The following CORO2B variants were observed in gnomAD, a reference collection of about 807,000 sequenced individuals.
The protein encoded by CORO2B is coronin 2B.
A neutral mutation model predicts 58.8 loss-of-function variants in CORO2B; 26 were observed. The ratio of observed to expected loss-of-function variants is 0.44; its 90% confidence interval spans 0.32 to 0.61. The LOEUF is 0.61. Ranked by LOEUF, CORO2B falls within the 20% of genes least tolerant of loss-of-function variation. The probability of loss-of-function intolerance (pLI) is 0.04; values close to 1 mark genes in which losing one functional copy is unlikely to be tolerated. For missense variants in CORO2B, 460 were observed against 645.1 expected (o/e 0.71, Z 3.11); for synonymous variants, 242 against 253.8 (o/e 0.95, Z 0.44).
the CORO2B span, among the ~76,000 whole-genome samples, chr15:68,532,494 A>G: frequency 6.6e-6 from 1 of 151,924 alleles, no homozygotes; most frequent in African/African-American, 2.4e-5. Flanking sequence ...GTTCTTTTTT[A>G]TATCTTCTAT....
chr15:68,577,806 A>G (rs1424825697), upstream of CORO2B, among the ~76,000 whole-genome samples: 2 of 151,742 alleles, frequency 1.3e-5, no homozygotes, highest in Non-Finnish European at 2.9e-5. Context: ...TATTGCTCCA[A>G]TCTAGACACT....
the CORO2B span, among the ~76,000 whole-genome samples, chr15:68,550,264 C>CG: frequency 6.6e-6 from 1 of 152,102 alleles, no homozygotes; most frequent in Non-Finnish European, 1.5e-5. Flanking sequence ...AAAGAACCCC[C>CG]GGGATGTAAT....
chr15:68,720,554 T>C (rs1297473573), intron 11 of CORO2B, among the ~76,000 whole-genome samples: 2 of 152,308 alleles, frequency 1.3e-5, no homozygotes, highest in Admixed American at 6.5e-5. Context: ...AGTTCACTCA[T>C]GTGGTTGCTG....
chr15:68,649,165 C>T (rs1376038213), intron 2 of CORO2B, among the ~76,000 whole-genome samples: 2 of 151,672 alleles, frequency 1.3e-5, no homozygotes, highest in Non-Finnish European at 1.5e-5. Context: ...CAGAAAAGAA[C>T]GTGTTCTTTA....
chr15:68,718,646 A>G, intron 8 of CORO2B, 52 bp from the exon 9 acceptor site: 1 of 1,461,840 alleles, frequency 6.8e-7, no homozygotes, highest in Non-Finnish European at 9.6e-7. Context: ...GGGTGATGTC[A>G]CTGAGACGCA....
the CORO2B span, among the ~76,000 whole-genome samples, chr15:68,558,894 T>TGA: frequency 1.2e-4 from 18 of 152,198 alleles, no homozygotes; most frequent in African/African-American, 3.9e-4. Context: ...CTCCAGGTCT[T>TGA]AGTACACACC....
chr15:68,573,132 G>C, the CORO2B span, among the ~76,000 whole-genome samples: 1 of 152,106 alleles, frequency 6.6e-6, no homozygotes, highest in Non-Finnish European at 1.5e-5. Flanking sequence ...CCTGTGTTCA[G>C]GTGGCTCCCT....
intron 11 of CORO2B, 130 bp from the exon 12 acceptor site, chr15:68,725,711 GTA>G: frequency 9.0e-7 from 1 of 1,113,828 alleles, no homozygotes; most frequent in Non-Finnish European, 1.3e-6. Context: ...GAGAATAAAT[GTA>G]TCAAGCAGTG....
chr15:68,570,531 G>T, the CORO2B span, among the ~76,000 whole-genome samples: 5 of 152,188 alleles, frequency 3.3e-5, no homozygotes, highest in Non-Finnish European at 7.3e-5. Flanking sequence ...CAATATCAGA[G>T]GCTAAGATTT....
At chr15:68,601,753 C>CT (rs1031643460) in intron 1 of CORO2B, among the ~76,000 whole-genome samples, 37 of 152,192 alleles carry the variant, frequency 2.4e-4, no homozygotes, top group African/African-American at 8.2e-4. Context: ...GCAGCTGGGG[C>CT]TTAGTGGTGC....
intron 2 of CORO2B, among the ~76,000 whole-genome samples, chr15:68,689,067 C>T (rs2140308359): frequency 6.6e-6 from 1 of 152,246 alleles, no homozygotes; most frequent in Non-Finnish European, 1.5e-5. Context: ...TGGGAAGACT[C>T]AGGGTACACA....
chr15:68,680,171 C>T (rs1902732994), intron 2 of CORO2B, among the ~76,000 whole-genome samples: 1 of 152,136 alleles, frequency 6.6e-6, no homozygotes, highest in Non-Finnish European at 1.5e-5. Flanking sequence ...GACTCACTCC[C>T]ACTTCAATGA....
chr15:68,619,981 G>A (rs1900472072), intron 1 of CORO2B, among the ~76,000 whole-genome samples: 1 of 152,052 alleles, frequency 6.6e-6, no homozygotes, highest in South Asian at 2.1e-4. Flanking sequence ...GCACAGTCTT[G>A]ACTCACTGCA....
At chr15:68,566,289 A>G in the CORO2B span, among the ~76,000 whole-genome samples, 1 of 152,002 alleles carries the variant, frequency 6.6e-6, no homozygotes, top group Admixed American at 6.6e-5. Flanking sequence ...TCCCCATTTG[A>G]TAGGAGAGGA....
At chr15:68,665,635 G>T (rs896268636) in intron 2 of CORO2B, among the ~76,000 whole-genome samples, 4 of 151,778 alleles carry the variant, frequency 2.6e-5, no homozygotes, top group Admixed American at 1.3e-4. Flanking sequence ...TCCTTTTGTG[G>T]TGTATTAAAA....
the CORO2B span, among the ~76,000 whole-genome samples, chr15:68,546,537 G>A: frequency 6.6e-6 from 1 of 152,162 alleles, no homozygotes; most frequent in Non-Finnish European, 1.5e-5. Flanking sequence ...TCTAGACCCT[G>A]AGGTGTCTAG....
the CORO2B span, among the ~76,000 whole-genome samples, chr15:68,540,844 A>G: frequency 6.6e-6 from 1 of 152,202 alleles, no homozygotes; most frequent in African/African-American, 2.4e-5. Context: ...CGCTAAAAGC[A>G]CCAGCAGTTT....
the CORO2B span, among the ~76,000 whole-genome samples, chr15:68,531,548 G>A: frequency 7.3e-3 from 496 of 67,682 alleles, 6 homozygotes; most frequent in Non-Finnish European, 0.012. Flanking sequence ...AGGAAGGAAG[G>A]AAGGAAGGAA....
chr15:68,720,733 G>C (rs147959338), intron 11 of CORO2B, among the ~76,000 whole-genome samples: 1,925 of 152,306 alleles, frequency 0.013, 110 homozygotes, highest in Admixed American at 0.097. Flanking sequence ...GGAAGCTACA[G>C]TCTTTCTGTC....
Sources: gnomAD v4.1 joint callset for allele counts (sites outside exome capture counted in the v4.1 genomes callset) on GRCh38, gnomAD v4.1.1 for gene constraint, MANE v1.5 for transcripts, NCBI Gene and HGNC (gene_info 2026-07-23, HGNC 2026-07-21) for gene names.